Variants in OTOA observed in about 807,000 individuals in gnomAD.
OTOA encodes otoancorin.
A neutral mutation model predicts 110.8 loss-of-function variants in OTOA; 70 were observed. The observed-to-expected ratio is 0.63, with a 90% CI of 0.52 to 0.77. OTOA has a LOEUF of 0.77. Ranked by LOEUF, OTOA falls within the 30% of genes least tolerant of loss-of-function variation. The pLI, the probability that OTOA is intolerant of heterozygous loss-of-function variation, is 0.00. For synonymous variants in OTOA, 373 were observed against 431.5 expected, an observed-to-expected ratio of 0.86 and a Z score of 1.68; for missense variants, 917 against 1,075.8, an observed-to-expected ratio of 0.85 and a Z score of 2.06.
rs538272518 is a variant in OTOA, at chr16:21,710,067, C to G, written c.1284C>G (p.Val428=). ...TCTCAGGTTGGGCCAAGAGCCAGGT[C>G]ATCATCTTGTCTGCCAAATACTTGG... is the stretch of plus-strand genomic sequence containing the variant. ...NQVSGWAKSQ[V]IILSAKYLAH... Residue 428 remains valine, a synonymous_variant, in exon 13 of 29, where the codon GTC becomes GTG. Coordinates refer to ENST00000646100, the MANE Select transcript of OTOA (RefSeq NM_144672.4). The G allele has an allele frequency of 6.2e-7, 1 of 1,613,942 alleles. No individual in the cohort carries two copies. Among genetic ancestry groups the G allele is most frequent in the Admixed American group, 1.7e-5 (1 of 59,964 alleles).
At chr16:21,682,754 A>G (rs1024197373) in intron 6 of OTOA, among the ~76,000 whole-genome samples, 1 of 148,234 alleles carries the variant, frequency 6.7e-6, no homozygotes, top group Non-Finnish European at 1.5e-5. Context: ...GTCATTAATT[A>G]ATGAATAAAG....
chr16:21,736,302 G>A lies in OTOA; in HGVS notation c.2343G>A (p.Arg781=). Residue 781 remains arginine, a synonymous_variant, in exon 22 of 29, where the codon AGG becomes AGA. Coordinates refer to ENST00000646100, the MANE Select transcript of OTOA (RefSeq NM_144672.4). ...TGCAAGCAGCTTCCAAGATGGCCAG[G>A]ACCCTGCCCACTAAAGAATTCCTCT... The part of the protein sequence containing the change: ...ILLQAASKMA[R]TLPTKEFLWA... 1 of 1,614,072 alleles carries A rather than the reference G, an allele frequency of 6.2e-7. No homozygotes were observed. The highest frequency in any genetic ancestry group is 8.5e-7 in the Non-Finnish European group (1 of 1,179,978).
chr16:21,675,758 C>T (rs1027369327), intron 1 of OTOA, among the ~76,000 whole-genome samples: 1 of 151,880 alleles, frequency 6.6e-6, no homozygotes, highest in South Asian at 2.1e-4. Context: ...TTAACATGCT[C>T]GCAGTTTTCC....
intron 6 of OTOA, among the ~76,000 whole-genome samples, chr16:21,682,470 T>C (rs957036444): frequency 1.3e-5 from 2 of 152,204 alleles, no homozygotes; most frequent in Admixed American, 6.5e-5. Context: ...TTGGATATAG[T>C]GATCAGTCTT....
At chr16:21,679,694 C>T (rs1033455218) in intron 5 of OTOA, among the ~76,000 whole-genome samples, 11 of 152,268 alleles carry the variant, frequency 7.2e-5, no homozygotes, top group East Asian at 3.9e-4. Context: ...TGTGAGCCAC[C>T]GCAACCGGCC....
At chr16:21,675,307 A>ATTTTTT (rs57498010) in intron 1 of OTOA, among the ~76,000 whole-genome samples, 3 of 37,154 alleles carry the variant, frequency 8.1e-5, no homozygotes, top group East Asian at 7.9e-4. Flanking sequence ...ACACCTGGCT[A>ATTTTTT]TTTTTTTTTT....
intron 8 of OTOA, among the ~76,000 whole-genome samples, chr16:21,688,939 T>C (rs1438155591): frequency 6.6e-6 from 1 of 152,226 alleles, no homozygotes; most frequent in East Asian, 1.9e-4. Context: ...TCACTGGCAC[T>C]AAACTGAGAC....
chr16:21,693,911 C>T (rs971411939), intron 9 of OTOA, among the ~76,000 whole-genome samples: 9 of 152,020 alleles, frequency 5.9e-5, no homozygotes, highest in African/African-American at 1.9e-4. Context: ...ACTAGAAGAG[C>T]GCTTGGCAAA....
rs1383667189 is a variant in OTOA, at chr16:21,726,581, G to C, written c.1939G>C (p.Gly647Arg). 3.1e-6 allele frequency: 5 copies of C among 1,614,000 alleles called. No individual in the cohort carries two copies. Among genetic ancestry groups the C allele is most frequent in the Middle Eastern group, 1.7e-4 (1 of 6,052 alleles). Reference sequence around the variant, plus strand: ...GTGTGTGCCCTTTCTGATCAGCCTGGGGAAGAGCTGGTTGGACTCCTTGGT... The same window carrying C: ...GTGTGTGCCCTTTCTGATCAGCCTGCGGAAGAGCTGGTTGGACTCCTTGGT... ...SQCVPFLISL[G>R]KSWLDSLVLD... Residue 647 changes from glycine (G) to arginine (R), a missense_variant, in exon 19 of 29, where the codon GGG becomes CGG. Around this residue, in one of 6 missense-constraint regions of OTOA, gnomAD observed 840 missense variants for 910.2 expected, o/e 0.92. Transcript: ENST00000646100.
chr16:21,689,725 G>T (rs1897790233), intron 8 of OTOA, among the ~76,000 whole-genome samples: 2 of 150,162 alleles, frequency 1.3e-5, no homozygotes, highest in Admixed American at 6.7e-5. Flanking sequence ...CACTCTTGTT[G>T]CCCAGGCTGG....
intron 5 of OTOA, among the ~76,000 whole-genome samples, chr16:21,681,353 G>A (rs1296670124): frequency 6.6e-6 from 1 of 152,056 alleles, no homozygotes; most frequent in Non-Finnish European, 1.5e-5. Context: ...TACTTTGGGA[G>A]GCAGAGGTGG....
At chr16:21,716,579 A>G (rs1254968466) in intron 14 of OTOA, among the ~76,000 whole-genome samples, 1 of 152,032 alleles carries the variant, frequency 6.6e-6, no homozygotes, top group African/African-American at 2.4e-5. Context: ...TCAAAAAAAG[A>G]AAAAAACCCT....
At chr16:21,727,489 A>G (rs982135145) in intron 19 of OTOA, among the ~76,000 whole-genome samples, 1 of 152,208 alleles carries the variant, frequency 6.6e-6, no homozygotes, top group Non-Finnish European at 1.5e-5. Context: ...GAAGATGACT[A>G]GATTGAGACC....
chr16:21,744,183 C>T (rs1899577687), intron 23 of OTOA, among the ~76,000 whole-genome samples: 1 of 146,956 alleles, frequency 6.8e-6, no homozygotes, highest in African/African-American at 2.5e-5. Flanking sequence ...CAGGGTCTCG[C>T]TCTGTCACCC....
chr16:21,735,020 A>G (rs1899242656), intron 21 of OTOA, among the ~76,000 whole-genome samples: 1 of 151,936 alleles, frequency 6.6e-6, no homozygotes, highest in Non-Finnish European at 1.5e-5. Flanking sequence ...GCATGCATGT[A>G]ATCCCAGCTA....
chr16:21,727,012 G>GTTTTTTTT, intron 19 of OTOA: 1 of 143,820 alleles, frequency 7.0e-6, no homozygotes, highest in Non-Finnish European at 1.3e-5. Flanking sequence ...CCCCCTTAGA[G>GTTTTTTTT]TTTTTTTTTT....
chr16:21,694,997 C>T (rs997767135), intron 9 of OTOA, among the ~76,000 whole-genome samples: 6 of 151,604 alleles, frequency 4.0e-5, no homozygotes, highest in Admixed American at 6.6e-5. Flanking sequence ...TTATACGGTG[C>T]GCTTCATTAT....
At chr16:21,709,809 C>T (rs1898298920) in intron 12 of OTOA, 79 bp from the exon 13 acceptor site, 1 of 1,279,548 alleles carries the variant, frequency 7.8e-7, no homozygotes, top group African/African-American at 1.5e-5. Context: ...CTGTGGAGTC[C>T]TAATAGCCCT....
chr16:21,679,074 G>GC lies in OTOA; in HGVS notation c.151+13dup, dbSNP rs752396507. The GC allele has an allele frequency of 2.7e-5, 43 of 1,613,682 alleles. No homozygotes were observed. The South Asian group carries it at 3.7e-4, about 14-fold the overall frequency. Reference sequence around the variant, plus strand: ...ATGGAAGCTATCTGAATGGTAATGTGCCCCCTTGATCTCCACTTGCTTCTT... The same window carrying GC: ...ATGGAAGCTATCTGAATGGTAATGTGCCCCCCTTGATCTCCACTTGCTTCTT... On this transcript the variant is annotated intron_variant, in intron 4 of 28. Coordinates refer to ENST00000646100, the MANE Select transcript of OTOA (RefSeq NM_144672.4).
Sources: gnomAD v4.1 joint callset for allele counts (sites outside exome capture counted in the v4.1 genomes callset) on GRCh38, gnomAD v4.1.1 for gene constraint, gnomAD v4.1.1 regional missense constraint, MANE v1.5 for transcripts, NCBI Gene and HGNC (gene_info 2026-07-23, HGNC 2026-07-21) for gene names.